The following NOTCH2NLB variants were observed in gnomAD, a reference collection of about 807,000 sequenced individuals.
NOTCH2NLB encodes notch 2 N-terminal like B, also known as notch homolog 2 N-terminal-like protein B.
NOTCH2NLB carries 1 observed loss-of-function variant against 14.8 expected under a neutral mutation model. The ratio of observed to expected loss-of-function variants is 0.07; its 90% CI spans 0.02 to 0.32. NOTCH2NLB has a LOEUF of 0.32. NOTCH2NLB is among the 10% of genes least tolerant of loss of function. The pLI is 1.00. For missense variants in NOTCH2NLB, 11 were observed against 155.0 expected (o/e 0.07, Z 4.93); for synonymous variants, 6 against 57.5 (o/e 0.10, Z 4.05).
chr1:148,661,309 TG>T (rs1248995008), intron 1 of NOTCH2NLB, among the ~76,000 whole-genome samples: 1 of 149,560 alleles, frequency 6.7e-6, no homozygotes, highest in African/African-American at 2.4e-5. Context: ...AAAAAAGTTT[TG>T]AAAAAACAAT....
chr1:148,684,877 A>G, the NOTCH2NLB span, among the ~76,000 whole-genome samples: 20 of 123,922 alleles, frequency 1.6e-4, no homozygotes, highest in South Asian at 6.1e-3. Flanking sequence ...GCAGTGAACC[A>G]TGTTACCACT....
At chr1:148,605,454 TCA>T (rs1663483782), downstream of NOTCH2NLB, among the ~76,000 whole-genome samples, 1 of 144,022 alleles carries the variant, frequency 6.9e-6, no homozygotes, top group Non-Finnish European at 1.5e-5. Flanking sequence ...ACACACACCA[TCA>T]GTGAGTAAAT....
At chr1:148,700,898 T>G in the NOTCH2NLB span, among the ~76,000 whole-genome samples, 1 of 65,236 alleles carries the variant, frequency 1.5e-5, no homozygotes, top group Admixed American at 1.7e-4. Flanking sequence ...TGTCAATTTT[T>G]GCTTTTATTG....
chr1:148,623,911 A>T (rs1663938690), intron 2 of NOTCH2NLB, among the ~76,000 whole-genome samples: 1 of 83,188 alleles, frequency 1.2e-5, no homozygotes, highest in Non-Finnish European at 2.0e-5. Context: ...CTACTCTGTG[A>T]TCTGTCTGGT....
At position 148,651,162 on chromosome 1, in the gene NOTCH2NLB, A is replaced by ATATATATAC. The variant is rs1325402394; in HGVS notation, c.4-11074_4-11073insGTATATATA. Among the ~76,000 whole-genome samples, 5 of 46,030 alleles carry ATATATATAC rather than the reference A, an allele frequency of 1.1e-4. No homozygotes were observed. In the East Asian group the frequency reaches 2.7e-3, roughly 25 times the overall value. The allele number at this position is 46,030 out of a possible 152,430, so 30.2% of individuals were successfully genotyped here. On this transcript the variant is annotated intron_variant, in intron 1 of 4. Transcript: ENST00000593495. ...TGCCTGAGAAAAAAAAAAAAAAAAAAATATATATATATATATATATATATA... is the reference window on the plus strand; with the variant it reads ...TGCCTGAGAAAAAAAAAAAAAAAAAATATATATACATATATATATATATATATATATATA...
intron 1 of NOTCH2NLB, among the ~76,000 whole-genome samples, chr1:148,670,535 A>ACATAT (rs1347581270): frequency 5.0e-5 from 3 of 60,520 alleles, no homozygotes; most frequent in Non-Finnish European, 5.9e-5. Context: ...AAACTAAAAA[A>ACATAT]AAAAATATAT....
Position 148,622,324 on chromosome 1 carries a change from C to T in NOTCH2NLB, c.78-6374G>A, listed in dbSNP as rs1231357439. Among the ~76,000 whole-genome samples, 4 of 111,694 alleles carry T rather than the reference C, an allele frequency of 3.6e-5. 1 individual carries two copies. Among genetic ancestry groups the T allele is most frequent in the Non-Finnish European group, 7.1e-5 (4 of 56,542 alleles). The allele number at this position is 111,694 out of a possible 152,430, so 73.3% of individuals were successfully genotyped here. A position where few individuals can be genotyped will look rare whatever the true frequency, so the allele number is the denominator to read the frequency against. ...GTTGGAGGTTGCAGTGAGCCAAGAT[C>T]GCGTCACTGCACTCCAGCCTGGGCA... On this transcript the variant is annotated intron_variant, in intron 2 of 4. Coordinates refer to ENST00000593495, the Ensembl canonical transcript of NOTCH2NLB.
chr1:148,645,700 C>T (rs1312355790), intron 1 of NOTCH2NLB, among the ~76,000 whole-genome samples: 2,441 of 147,844 alleles, frequency 0.017, 38 homozygotes, highest in African/African-American at 0.06. Context: ...CTTCAAGGCC[C>T]AGTTCACCTC....
chr1:148,661,351 C>T (rs1190889367), intron 1 of NOTCH2NLB, among the ~76,000 whole-genome samples: 1 of 150,204 alleles, frequency 6.7e-6, no homozygotes, highest in Non-Finnish European at 1.5e-5. Context: ...CCAACACACA[C>T]ACACACACAC....
chr1:148,605,376 AATGTC>A (rs1482675887), downstream of NOTCH2NLB, among the ~76,000 whole-genome samples: 16 of 143,788 alleles, frequency 1.1e-4, 1 homozygote, highest in Non-Finnish European at 2.3e-4. Context: ...TCACCAAAAA[AATGTC>A]AGTTTTCTCT....
chr1:148,610,098 G>A (rs1240647859), intron 3 of NOTCH2NLB, among the ~76,000 whole-genome samples: 1 of 141,940 alleles, frequency 7.0e-6, no homozygotes, highest in Admixed American at 6.9e-5. Flanking sequence ...GACCAGCCTG[G>A]CCAACATGGT....
At chr1:148,651,144 G>GGGA (rs1225742292) in intron 1 of NOTCH2NLB, among the ~76,000 whole-genome samples, 25 of 76,492 alleles carry the variant, frequency 3.3e-4, no homozygotes, top group African/African-American at 1.1e-3. Context: ...CTCTGCCTGA[G>GGGA]AAAAAAAAAA....
intron 1 of NOTCH2NLB, among the ~76,000 whole-genome samples, chr1:148,670,553 C>CACAT (rs1664752833): frequency 9.6e-6 from 1 of 104,232 alleles, no homozygotes; most frequent in Admixed American, 9.3e-5. Context: ...TATATATATA[C>CACAT]ATATATATAT....
intron 2 of NOTCH2NLB, among the ~76,000 whole-genome samples, chr1:148,638,283 C>T (rs1185908501): frequency 6.7e-6 from 1 of 149,140 alleles, no homozygotes; most frequent in Non-Finnish European, 1.5e-5. Context: ...CATTGCTGAA[C>T]AATAACTACA....
At chr1:148,651,162 A>AATATATATATAT (rs1218372509) in intron 1 of NOTCH2NLB, among the ~76,000 whole-genome samples, 45 of 45,930 alleles carry the variant, frequency 9.8e-4, no homozygotes, top group East Asian at 1.8e-3. Context: ...AAAAAAAAAA[A>AATATATATATAT]ATATATATAT....
At chr1:148,703,277 A>G in the NOTCH2NLB span, among the ~76,000 whole-genome samples, 4 of 131,310 alleles carry the variant, frequency 3.0e-5, no homozygotes, top group Non-Finnish European at 6.7e-5. Context: ...GCAACAGAGC[A>G]AGACTCTGTC....
chr1:148,670,539 A>AAATATATATATACATATATAT (rs1445301786), intron 1 of NOTCH2NLB, among the ~76,000 whole-genome samples: 252 of 92,962 alleles, frequency 2.7e-3, no homozygotes, highest in African/African-American at 0.011. Flanking sequence ...TAAAAAAAAA[A>AAATATATATATACATATATAT]ATATATATAT....
At chr1:148,608,208 G>A (rs1162950726) in intron 3 of NOTCH2NLB, among the ~76,000 whole-genome samples, 1 of 136,018 alleles carries the variant, frequency 7.4e-6, no homozygotes, top group Non-Finnish European at 1.5e-5. Context: ...CCAATATGGT[G>A]AAACCCTGTC....
chr1:148,686,745 A>G, the NOTCH2NLB span, among the ~76,000 whole-genome samples: 1 of 87,402 alleles, frequency 1.1e-5, no homozygotes, highest in Non-Finnish European at 2.7e-5. Flanking sequence ...AAAAAAAAAA[A>G]AGATTTCTGG....
Sources: allele counts gnomAD v4.1 joint callset (sites outside exome capture counted in the v4.1 genomes callset), GRCh38; gene constraint gnomAD v4.1.1; transcripts MANE v1.5; gene names NCBI Gene and HGNC (gene_info 2026-07-23, HGNC 2026-07-21).